Variants in IPO5 observed in about 807,000 individuals in gnomAD.
The protein encoded by IPO5 is importin 5, also known as importin-5.
In IPO5, 18 loss-of-function variants were observed where a neutral mutation model predicts 143.3. That is an observed-to-expected ratio of 0.13 (90% CI 0.09 to 0.19). The LOEUF (loss-of-function observed/expected upper bound fraction) is 0.19, where lower values mean the gene tolerates loss of function less well. Ranked by LOEUF, IPO5 falls within the 10% of genes least tolerant of loss-of-function variation. IPO5 has a pLI of 1.00. For missense variants in IPO5, 1,013 were observed against 1,336.9 expected (o/e 0.76, Z 3.78); for synonymous variants, 477 against 465.7 (o/e 1.02, Z -0.31).
At chr13:98,021,163 G>A (rs149965710) in intron 28 of IPO5, 30 bp downstream of exon 28, 21 of 1,567,170 alleles carry the variant, frequency 1.3e-5, no homozygotes, top group African/African-American at 2.8e-5. Context: ...TTGGGGAGGG[G>A]GAGATAAAAC....
chr13:98,016,640 A>AT, intron 24 of IPO5, 89 bp from the exon 25 acceptor site: 2 of 704,374 alleles, frequency 2.8e-6, no homozygotes, highest in Middle Eastern at 4.4e-4. Flanking sequence ...GATTTTCTGC[A>AT]TTTTTTAAGG....
rs4534693 is a variant in IPO5, at chr13:98,006,289, C to T, written c.1657C>T (p.Leu553=). The T allele has an allele frequency of 6.3e-7, 1 of 1,590,450 alleles. No homozygotes were observed. The highest frequency in any genetic ancestry group is 8.5e-7 in the Non-Finnish European group (1 of 1,169,952). Residue 553 remains leucine (L), a synonymous_variant, in exon 17 of 29, where the codon CTG becomes TTG. Transcript: ENST00000651721. ...ENAVQKELRL[L]RGKTIECISL... Reference sequence around the variant, plus strand: ...TGCGGTTCAAAAAGAACTGAGACTTCTGAGAGGAAAAACTATTGAATGCAT... The same window carrying T: ...TGCGGTTCAAAAAGAACTGAGACTTTTGAGAGGAAAAACTATTGAATGCAT...
rs747583149 is a variant in IPO5, at chr13:98,019,752, A to G, written c.3008A>G (p.His1003Arg). The G allele has an allele frequency of 6.8e-6, 11 of 1,614,108 alleles. No homozygotes were observed. In the South Asian group the frequency reaches 8.8e-5, roughly 13 times the overall value. The change falls in exon 27 of 29, where the codon CAT (histidine) becomes CGT (arginine). Residue 1003 changes from histidine to arginine, a missense_variant. His to Arg is a conservative substitution (Grantham distance 29, BLOSUM62 0). This residue lies in a region of IPO5 where 685 missense variants were observed against 994.9 expected (regional missense o/e 0.69). Transcript: ENST00000651721. ...CACTGGTTGTCTTGGCTTCCACTAC[A>G]TGAAGATAAAGAAGAAGCTGTTCAG... The part of the protein sequence containing the change: ...LPHWLSWLPL[H>R]EDKEEAVQTF...
At chr13:97,974,134 A>AGT (rs1220458387) in intron 3 of IPO5, among the ~76,000 whole-genome samples, 1 of 152,196 alleles carries the variant, frequency 6.6e-6, no homozygotes, top group Non-Finnish European at 1.5e-5. Flanking sequence ...TCTATTATTT[A>AGT]GTAACTATTA....
chr13:97,975,382 T>C (rs1489074049), intron 3 of IPO5, among the ~76,000 whole-genome samples: 1 of 152,024 alleles, frequency 6.6e-6, no homozygotes, highest in Non-Finnish European at 1.5e-5. Flanking sequence ...TCCCAGGTAT[T>C]TGGGAGGCTG....
chr13:98,014,241 G>A, intron 22 of IPO5, 27 bp downstream of exon 22: 5 of 1,474,690 alleles, frequency 3.4e-6, no homozygotes, highest in Non-Finnish European at 3.8e-6. Context: ...TAAAAAATAT[G>A]TATAAGGTTG....
chr13:98,020,789 G>A (rs1407581074), intron 27 of IPO5, among the ~76,000 whole-genome samples: 3 of 151,730 alleles, frequency 2.0e-5, no homozygotes, highest in Admixed American at 6.6e-5. Flanking sequence ...AGAGCATTCT[G>A]TTGTTTGGCC....
At chr13:98,015,242 T>TTGTGTGTGTGTGTGTGTG (rs1179382229) in intron 22 of IPO5, among the ~76,000 whole-genome samples, 31 of 147,828 alleles carry the variant, frequency 2.1e-4, no homozygotes, top group African/African-American at 7.5e-4. Context: ...TAGGAGCTGG[T>TTGTGTGTGTGTGTGTGTG]TGTGTGTGTG....
intron 2 of IPO5, among the ~76,000 whole-genome samples, chr13:97,965,299 T>C (rs1885235905): frequency 6.6e-6 from 1 of 152,060 alleles, no homozygotes. Context: ...ATGGCACATG[T>C]ATACCTATGT....
At position 97,976,064 on chromosome 13, in the gene IPO5, G is replaced by A. The variant is rs1025714089; in HGVS notation, c.-4-629G>A. On this transcript the variant is annotated intron_variant, in intron 3 of 28. Transcript: ENST00000651721. ...TGGGTGAAGGGCTGGATCCCAGGGA[G>A]CGAGGGACCAAAGGGGTGGGGCCTG... 1.0e-5 allele frequency: 7 copies of A among 688,214 alleles called. No individual in the cohort carries two copies. In the African/African-American group the frequency reaches 1.4e-4, roughly 13 times the overall value. 42.6% of individuals were successfully genotyped at this position (688,214 alleles called of 1,614,324 possible).
intron 9 of IPO5, among the ~76,000 whole-genome samples, chr13:97,992,416 A>G (rs967752192): frequency 6.6e-6 from 1 of 152,202 alleles, no homozygotes; most frequent in African/African-American, 2.4e-5. Context: ...CATGGATATA[A>G]GAAAGGACAG....
chr13:98,001,496 G>A (rs577669115), intron 13 of IPO5: 1 of 152,030 alleles, frequency 6.6e-6, no homozygotes, highest in South Asian at 2.1e-4. Context: ...CAGCTATTTC[G>A]AGACAGAATC....
intron 25 of IPO5, 60 bp downstream of exon 25, chr13:98,016,911 C>A (rs1336204781): frequency 7.8e-6 from 10 of 1,275,128 alleles, no homozygotes; most frequent in Non-Finnish European, 9.4e-6. Flanking sequence ...CTTTTCACTG[C>A]AACGTAAAAT....
rs1343187678 is a variant in IPO5, at chr13:98,023,647, T to TA, written c.*1828dup. On this transcript the variant is annotated 3_prime_UTR_variant, in exon 29 of 29. Coordinates refer to ENST00000651721, the MANE Select transcript of IPO5 (RefSeq NM_002271.6). ...AGCAAGAACCTCCTACCTTCCAGTT[T>TA]AAACACTAGTGGTATTGTCAGATGC... The TA allele has an allele frequency of 6.6e-6, 1 of 152,180 alleles. No homozygotes were observed. The highest frequency in any genetic ancestry group is 1.5e-5 in the Non-Finnish European group (1 of 68,036). The allele number at this position is 152,180 out of a possible 1,614,324, so 9.4% of individuals were successfully genotyped here. A position where few individuals can be genotyped will look rare whatever the true frequency, so the allele number is the denominator to read the frequency against.
Position 97,989,091 on chromosome 13 carries a change from G to T in IPO5, c.394G>T (p.Gly132Cys). 1.2e-6 allele frequency: 2 copies of T among 1,613,398 alleles called. No individual in the cohort carries two copies. Among genetic ancestry groups the T allele is most frequent in the Non-Finnish European group, 1.7e-6 (2 of 1,179,428 alleles). ...GGATGGCAATAACCAGTGGCCCGAAGGTTTGAAGTTCCTTTTTGATTCAGT... is the reference window on the plus strand; with the variant it reads ...GGATGGCAATAACCAGTGGCCCGAATGTTTGAAGTTCCTTTTTGATTCAGT... ...DEDGNNQWPE[G>C]LKFLFDSVSS... Residue 132 changes from glycine to cysteine, a missense_variant, in exon 7 of 29, where the codon GGT (glycine) becomes TGT (cysteine). Physicochemically the swap from Gly to Cys is radical, Grantham distance 159. This residue lies in a region of IPO5 where 328 missense variants were observed against 342.0 expected (regional missense o/e 0.96). Coordinates refer to ENST00000651721, the MANE Select transcript of IPO5 (RefSeq NM_002271.6).
chr13:97,986,174 G>A (rs1201138031), intron 6 of IPO5, among the ~76,000 whole-genome samples: 1 of 152,018 alleles, frequency 6.6e-6, no homozygotes, highest in Non-Finnish European at 1.5e-5. Context: ...TTGAAAATTG[G>A]CAGTTACATT....
intron 2 of IPO5, among the ~76,000 whole-genome samples, chr13:97,962,459 T>C (rs1420653477): frequency 6.6e-6 from 1 of 152,168 alleles, no homozygotes; most frequent in African/African-American, 2.4e-5. Context: ...CCGGCAACAA[T>C]CTTTCCACAG....
chr13:98,008,894 T>C (rs183341266), intron 18 of IPO5, among the ~76,000 whole-genome samples: 400 of 152,332 alleles, frequency 2.6e-3, no homozygotes, highest in Non-Finnish European at 3.1e-3. Flanking sequence ...CACACTGTAA[T>C]AGTTTAAATA....
intron 3 of IPO5, 151 bp downstream of exon 3, chr13:97,969,981 G>C: frequency 1.6e-6 from 1 of 622,308 alleles, no homozygotes; most frequent in South Asian, 2.1e-5. Flanking sequence ...TTACAGGCGT[G>C]AGCCATCACA....
Sources: gnomAD v4.1 joint callset for allele counts (sites outside exome capture counted in the v4.1 genomes callset) on GRCh38, gnomAD v4.1.1 for gene constraint, gnomAD v4.1.1 regional missense constraint, MANE v1.5 for transcripts, NCBI Gene and HGNC (gene_info 2026-07-23, HGNC 2026-07-21) for gene names.